Variants in FSTL5 observed in about 807,000 individuals in gnomAD.
FSTL5 encodes the protein follistatin-related protein 5.
FSTL5 carries 62 observed loss-of-function variants against 89.1 expected under a neutral mutation model. The observed-to-expected ratio is 0.70, with a 90% CI of 0.57 to 0.86. FSTL5 has a LOEUF of 0.86. Among genes scored for constraint, FSTL5 ranks in the 40% least tolerant of loss-of-function variants. FSTL5 has a pLI of 0.00. For missense variants in FSTL5, 1,057 were observed against 1,001.6 expected, an observed-to-expected ratio of 1.06 and a Z score of -0.75; for synonymous variants, 383 against 346.2, an observed-to-expected ratio of 1.11 and a Z score of -1.18.
Position 161,439,150 on chromosome 4 carries a change from T to G in FSTL5, c.1841+15854A>C, listed in dbSNP as rs144385533. Among the ~76,000 whole-genome samples the G allele has an allele frequency of 2.0e-3, 312 of 152,368 alleles. 2 individuals are homozygous for G. The highest frequency in any genetic ancestry group is 2.8e-3 in the Non-Finnish European group (191 of 68,038). The stretch of plus-strand genomic sequence containing the variant: ...ATTCAGTCGGTGTCTTGTAAAATGA[T>G]GTAATATTTATTGCACATTAATGAT... On this transcript the variant is annotated intron_variant, in intron 15 of 15. Transcript: ENST00000306100.
intron 10 of FSTL5, 89 bp downstream of exon 10, chr4:161,538,077 G>A: frequency 7.7e-7 from 1 of 1,291,746 alleles, no homozygotes; most frequent in South Asian, 1.4e-5. Context: ...GCAATTCACA[G>A]TTTTCTGGTG....
chr4:161,973,384 T>C (rs570621250), intron 3 of FSTL5, among the ~76,000 whole-genome samples: 2 of 152,298 alleles, frequency 1.3e-5, no homozygotes, highest in South Asian at 2.1e-4. Context: ...CATATTTCAG[T>C]TGCAGAAAGC....
At chr4:161,498,677 G>C (rs573523506) in intron 12 of FSTL5, among the ~76,000 whole-genome samples, 1 of 152,180 alleles carries the variant, frequency 6.6e-6, no homozygotes, top group Non-Finnish European at 1.5e-5. Flanking sequence ...AAATTATTTT[G>C]CTCTGATTTA....
intron 8 of FSTL5, among the ~76,000 whole-genome samples, chr4:161,569,798 CA>C (rs879403021): frequency 0.035 from 4,450 of 127,592 alleles, 89 homozygotes; most frequent in East Asian, 0.081. Context: ...CACACACACA[CA>C]CCCCACATTG....
chr4:161,456,588 T>C (rs768204733), intron 14 of FSTL5, among the ~76,000 whole-genome samples: 8 of 152,220 alleles, frequency 5.3e-5, no homozygotes, highest in Non-Finnish European at 7.3e-5. Flanking sequence ...ATAGCCACAA[T>C]GAGGGCTTGC....
At chr4:161,780,403 T>C (rs1030398020) in intron 4 of FSTL5, among the ~76,000 whole-genome samples, 1 of 152,160 alleles carries the variant, frequency 6.6e-6, no homozygotes, top group Admixed American at 6.5e-5. Flanking sequence ...AGAGTGAGAT[T>C]GGCATAGCTA....
At chr4:161,807,196 T>TACACACACACACAC (rs10561299) in intron 4 of FSTL5, among the ~76,000 whole-genome samples, 2,525 of 146,586 alleles carry the variant, frequency 0.017, 35 homozygotes, top group East Asian at 0.034. Context: ...CACATGAGAA[T>TACACACACACACAC]ACACACACAC....
intron 6 of FSTL5, among the ~76,000 whole-genome samples, chr4:161,676,817 A>G (rs992441163): frequency 1.3e-5 from 2 of 151,906 alleles, no homozygotes; most frequent in African/African-American, 2.4e-5. Context: ...CTTGAGGTCA[A>G]TGTAGTTTTT....
chr4:161,860,050 A>T (rs1367608333), intron 4 of FSTL5, among the ~76,000 whole-genome samples: 1 of 152,170 alleles, frequency 6.6e-6, no homozygotes, highest in African/African-American at 2.4e-5. Context: ...GCACTTTGGG[A>T]GGCCAAGGTG....
intron 4 of FSTL5, among the ~76,000 whole-genome samples, chr4:161,915,161 G>A (rs1212957351): frequency 1.3e-5 from 2 of 152,046 alleles, no homozygotes; most frequent in Non-Finnish European, 2.9e-5. Flanking sequence ...CTTCACTATA[G>A]TATATTGGCT....
chr4:162,019,712 G>C lies in FSTL5; in HGVS notation c.160+13913C>G, dbSNP rs1737014921. Among the ~76,000 whole-genome samples the C allele has an allele frequency of 2.0e-5, 3 of 149,866 alleles. No individual in the cohort carries two copies. The Admixed American group carries it at 2.0e-4, about 10-fold the overall frequency. On this transcript the variant is annotated intron_variant, in intron 3 of 15. Coordinates refer to ENST00000306100, the MANE Select transcript of FSTL5 (RefSeq NM_020116.5). ...ATAAAGATACAAAAGTGGATTTCTT[G>C]GTTTTAGCCATTAAATAAACTGGTT...
rs555570530 is a variant in FSTL5 at position 161,412,812 on chromosome 4, A to C, written c.1842-26363T>G. Among the ~76,000 whole-genome samples, 4 of 152,286 alleles carry C rather than the reference A, an allele frequency of 2.6e-5. No individual in the cohort carries two copies. The South Asian group carries it at 8.3e-4, about 32-fold the overall frequency. ...ACAAGGCCAAGAAAACAAAAAAGCAACGTGGAAAGGACTTGCTATTCAATA... is the reference window on the plus strand; with the variant it reads ...ACAAGGCCAAGAAAACAAAAAAGCACCGTGGAAAGGACTTGCTATTCAATA... On this transcript the variant is annotated intron_variant, in intron 15 of 15. Coordinates refer to ENST00000306100, the MANE Select transcript of FSTL5 (RefSeq NM_020116.5).
chr4:161,541,400 G>A (rs549065588), intron 9 of FSTL5, among the ~76,000 whole-genome samples: 1 of 152,116 alleles, frequency 6.6e-6, no homozygotes, highest in East Asian at 1.9e-4. Context: ...ATGGGCAAGA[G>A]ACAAAGTCAG....
intron 4 of FSTL5, among the ~76,000 whole-genome samples, chr4:161,851,350 T>C (rs1731543226): frequency 6.6e-6 from 1 of 152,126 alleles, no homozygotes; most frequent in South Asian, 2.1e-4. Context: ...GTTTGTGTTA[T>C]TATAGTGCCA....
intron 7 of FSTL5, among the ~76,000 whole-genome samples, chr4:161,590,782 C>T (rs1364881630): frequency 6.6e-6 from 1 of 152,160 alleles, no homozygotes; most frequent in Non-Finnish European, 1.5e-5. Flanking sequence ...GGAACCTTCA[C>T]ACATTGCTAG....
chr4:161,414,575 G>A (rs1438550414), intron 15 of FSTL5, among the ~76,000 whole-genome samples: 1 of 152,110 alleles, frequency 6.6e-6, no homozygotes, highest in Non-Finnish European at 1.5e-5. Flanking sequence ...TATCAGTCTG[G>A]TGTCCTGAAT....
At chr4:161,956,619 T>C (rs1190958068) in intron 3 of FSTL5, among the ~76,000 whole-genome samples, 1 of 151,918 alleles carries the variant, frequency 6.6e-6, no homozygotes, top group Non-Finnish European at 1.5e-5. Flanking sequence ...AGTATATAAA[T>C]GATTTTTACA....
intron 6 of FSTL5, among the ~76,000 whole-genome samples, chr4:161,678,155 T>C (rs1384213728): frequency 1.3e-5 from 2 of 151,834 alleles, no homozygotes; most frequent in African/African-American, 2.4e-5. Context: ...TATATTTTTA[T>C]GTGGCATATA....
chr4:161,929,291 T>C (rs1383970456), intron 3 of FSTL5, among the ~76,000 whole-genome samples: 2 of 151,338 alleles, frequency 1.3e-5, no homozygotes, highest in Non-Finnish European at 3.0e-5. Context: ...TATGGGTCTG[T>C]TTCTGGGCCC....
Sources: gnomAD v4.1 joint callset for allele counts (sites outside exome capture counted in the v4.1 genomes callset) on GRCh38, gnomAD v4.1.1 for gene constraint, MANE v1.5 for transcripts, NCBI Gene and HGNC (gene_info 2026-07-23, HGNC 2026-07-21) for gene names.